RARB: variants seen among roughly 807,000 people sequenced by gnomAD.
RARB encodes the protein retinoic acid receptor beta.
In RARB, 17 loss-of-function variants were observed where a neutral mutation model predicts 51.9. The ratio of observed to expected loss-of-function variants is 0.33; its 90% CI spans 0.22 to 0.49. The LOEUF is 0.49. RARB is among the 20% of genes least tolerant of loss of function. The pLI is 0.99. For synonymous variants in RARB, 215 were observed against 195.4 expected, an observed-to-expected ratio of 1.10 and a Z score of -0.84; for missense variants, 369 against 550.8, an observed-to-expected ratio of 0.67 and a Z score of 3.30.
At chr3:25,105,389 AAAG>A (rs1395358296) in intron 3 of RARB, among the ~76,000 whole-genome samples, 9 of 151,826 alleles carry the variant, frequency 5.9e-5, no homozygotes, top group Non-Finnish European at 1.0e-4. Context: ...ACAGGTATAA[AAAG>A]AAGTGACAGC....
chr3:25,410,681 GT>G (rs1303886631), intron 5 of RARB, among the ~76,000 whole-genome samples: 1 of 152,112 alleles, frequency 6.6e-6, no homozygotes, highest in East Asian at 1.9e-4. Context: ...CCTCTCACCT[GT>G]TTAAGTTTAT....
At chr3:25,251,678 C>A (rs912610914) in intron 5 of RARB, among the ~76,000 whole-genome samples, 5 of 152,248 alleles carry the variant, frequency 3.3e-5, no homozygotes, top group Admixed American at 3.3e-4. Flanking sequence ...AAAGTCTATT[C>A]AAATACTTAG....
intron 3 of RARB, among the ~76,000 whole-genome samples, chr3:25,565,939 A>G (rs549785054): frequency 2.0e-5 from 3 of 152,150 alleles, no homozygotes; most frequent in South Asian, 4.1e-4. Flanking sequence ...AGCTAGCACT[A>G]GTTCCAGATC....
intron 5 of RARB, among the ~76,000 whole-genome samples, chr3:25,307,306 G>T (rs1044658692): frequency 6.6e-6 from 1 of 151,820 alleles, no homozygotes; most frequent in Non-Finnish European, 1.5e-5. Context: ...AGAATCGCTT[G>T]AACCTAGGAG....
chr3:25,247,656 G>C (rs983626740), intron 5 of RARB, among the ~76,000 whole-genome samples: 1 of 152,218 alleles, frequency 6.6e-6, no homozygotes, highest in Non-Finnish European at 1.5e-5. Flanking sequence ...TGCACCCACT[G>C]TCTAACCAAT....
intron 5 of RARB, among the ~76,000 whole-genome samples, chr3:25,406,606 C>G (rs1026389200): frequency 2.0e-5 from 3 of 152,198 alleles, no homozygotes; most frequent in African/African-American, 4.8e-5. Flanking sequence ...CCCTAACACC[C>G]CATTTTAATT....
chr3:25,029,312 G>T (rs941949096), intron 2 of RARB, among the ~76,000 whole-genome samples: 2 of 152,162 alleles, frequency 1.3e-5, no homozygotes, highest in South Asian at 2.1e-4. Flanking sequence ...TAGGTCAGTC[G>T]TGAGAAACCT....
At chr3:25,333,613 A>G (rs1399419194) in intron 5 of RARB, among the ~76,000 whole-genome samples, 1 of 152,256 alleles carries the variant, frequency 6.6e-6, no homozygotes, top group East Asian at 1.9e-4. Flanking sequence ...GGACATAGGC[A>G]TGAGCAAGGA....
At chr3:25,226,179 A>T (rs1293378572) in intron 5 of RARB, among the ~76,000 whole-genome samples, 1 of 152,142 alleles carries the variant, frequency 6.6e-6, no homozygotes, top group East Asian at 1.9e-4. Flanking sequence ...TATTTACTTG[A>T]ATAATCAGTT....
intron 3 of RARB, among the ~76,000 whole-genome samples, chr3:25,562,051 C>G (rs553384995): frequency 1.3e-5 from 2 of 152,038 alleles, no homozygotes; most frequent in Non-Finnish European, 2.9e-5. Context: ...ATATGGGACC[C>G]CTATTTGAAG....
chr3:25,078,058 G>C (rs1287937775), intron 3 of RARB, among the ~76,000 whole-genome samples: 1 of 151,768 alleles, frequency 6.6e-6, no homozygotes, highest in Non-Finnish European at 1.5e-5. Flanking sequence ...ATACATTCTA[G>C]ATATAAATAT....
intron 2 of RARB, among the ~76,000 whole-genome samples, chr3:24,915,189 G>C (rs1321678843): frequency 1.3e-5 from 2 of 152,030 alleles, no homozygotes; most frequent in East Asian, 1.9e-4. Flanking sequence ...TTGAAAGAGA[G>C]GCTTTCTTTT....
intron 2 of RARB, among the ~76,000 whole-genome samples, chr3:25,036,483 G>A (rs1181842558): frequency 6.6e-6 from 1 of 152,140 alleles, no homozygotes; most frequent in East Asian, 1.9e-4. Flanking sequence ...TTTCCTTTAA[G>A]TCTTCATTTT....
intron 5 of RARB, among the ~76,000 whole-genome samples, chr3:25,589,463 G>A (rs1340956311): frequency 2.6e-5 from 4 of 152,176 alleles, no homozygotes; most frequent in African/African-American, 9.6e-5. Flanking sequence ...AACATGCTCT[G>A]GCTGCTGTGG....
chr3:25,037,717 G>T (rs751185725), intron 2 of RARB, among the ~76,000 whole-genome samples: 2 of 151,966 alleles, frequency 1.3e-5, no homozygotes, highest in African/African-American at 4.8e-5. Context: ...AGACAGAATT[G>T]CTGCCCTCAT....
intron 1 of RARB, among the ~76,000 whole-genome samples, chr3:25,456,553 G>GTTTTTT (rs1491545401): frequency 1.4e-5 from 1 of 72,020 alleles, no homozygotes; most frequent in Admixed American, 1.5e-4. Flanking sequence ...CTATACCACT[G>GTTTTTT]ATTTTTTTTT....
intron 5 of RARB, among the ~76,000 whole-genome samples, chr3:25,283,351 A>C (rs1575281980): frequency 1.3e-5 from 2 of 152,188 alleles, no homozygotes; most frequent in Non-Finnish European, 2.9e-5. Flanking sequence ...GGCCTCTTCC[A>C]TGGCAGGTCA....
intron 5 of RARB, among the ~76,000 whole-genome samples, chr3:25,194,780 T>A (rs1701191245): frequency 6.6e-6 from 1 of 151,892 alleles, no homozygotes; most frequent in Non-Finnish European, 1.5e-5. Context: ...TTTTATTAAT[T>A]TTTAAAAAAG....
chr3:25,077,287 C>A (rs185858073), intron 3 of RARB, among the ~76,000 whole-genome samples: 20 of 152,258 alleles, frequency 1.3e-4, no homozygotes, highest in Non-Finnish European at 2.5e-4. Context: ...GACATATGCT[C>A]ACATGTGTGC....
Sources: gnomAD v4.1 joint callset for allele counts (sites outside exome capture counted in the v4.1 genomes callset) on GRCh38, gnomAD v4.1.1 for gene constraint, MANE v1.5 for transcripts, NCBI Gene and HGNC (gene_info 2026-07-23, HGNC 2026-07-21) for gene names.